The following RABGAP1 variants were observed in gnomAD, a reference collection of about 807,000 sequenced individuals.
The protein encoded by RABGAP1 is RAB GTPase activating protein 1, also known as rab GTPase-activating protein 1.
RABGAP1 carries 23 observed loss-of-function variants against 137.6 expected under a neutral mutation model. The observed-to-expected ratio is 0.17, with a 90% CI of 0.12 to 0.24. The LOEUF (loss-of-function observed/expected upper bound fraction) is 0.24. Ranked by LOEUF, RABGAP1 falls within the 10% of genes least tolerant of loss-of-function variation. The pLI is 1.00. For missense variants in RABGAP1, 906 were observed against 1,275.8 expected (o/e 0.71, Z 4.42); for synonymous variants, 451 against 450.7 (o/e 1.00, Z -0.01).
chr9:123,098,911 T>C (rs2035263296), intron 23 of RABGAP1, 113 bp downstream of exon 23: 1 of 611,954 alleles, frequency 1.6e-6, no homozygotes, highest in Non-Finnish European at 2.9e-6. Flanking sequence ...TGGTTTCAGA[T>C]CCTGGCTCTG....
At chr9:122,946,235 A>G (rs2131586362) in intron 1 of RABGAP1, 1 of 152,298 alleles carries the variant, frequency 6.6e-6, no homozygotes, top group South Asian at 2.1e-4. Flanking sequence ...AGAAAAGACA[A>G]ATTATATTTC....
At chr9:123,007,888 A>G in intron 10 of RABGAP1, among the ~76,000 whole-genome samples, 1 of 148,978 alleles carries the variant, frequency 6.7e-6, no homozygotes, top group Middle Eastern at 3.6e-3. Flanking sequence ...AATATATCTA[A>G]TTTAAAAACC....
At chr9:123,022,922 T>TG (rs1017296062) in intron 13 of RABGAP1, among the ~76,000 whole-genome samples, 6 of 152,164 alleles carry the variant, frequency 3.9e-5, no homozygotes, top group African/African-American at 9.7e-5. Flanking sequence ...GAAATGTTTT[T>TG]GGGGGGAGTA....
At chr9:122,990,789 AAAAAAAAATATATATATATATAT>A (rs1836655312) in intron 6 of RABGAP1, 3 of 56,578 alleles carry the variant, frequency 5.3e-5, no homozygotes, top group Non-Finnish European at 9.8e-5. Context: ...AAAAAAAAAA[AAAAAAAAATATATATATATATAT>A]ATATATATAT....
chr9:123,070,444 TTA>T lies in RABGAP1; in HGVS notation c.1983+22_1983+23del, dbSNP rs773441927. The T allele has an allele frequency of 6.2e-7, 1 of 1,614,016 alleles. No homozygotes were observed. Among genetic ancestry groups the T allele is most frequent in the South Asian group, 1.1e-5 (1 of 91,074 alleles). The stretch of plus-strand genomic sequence containing the variant: ...CTCCATGTGAGTAATTAGGTCTCTG[TTA>T]TGACTTAACACATGGCCTCCCTCAG... On this transcript the variant is annotated intron_variant, in intron 15 of 25. Transcript: ENST00000373647. The surrounding 1 kb of genome is among the most constrained non-coding windows in gnomAD (Gnocchi z 4.4).
At position 123,074,410 on chromosome 9, in the gene RABGAP1, C is replaced by G. The variant is rs570380997; in HGVS notation, c.2235C>G (p.Ile745Met). 3 of 1,613,110 alleles carry G rather than the reference C, an allele frequency of 1.9e-6. No homozygotes were observed. The highest frequency in any genetic ancestry group is 3.3e-5 in the Admixed American group (2 of 59,980). The change falls in exon 17 of 26, where the codon ATC becomes ATG. Residue 745 changes from isoleucine (I) to methionine (M), a missense_variant. Ile to Met is a conservative substitution (Grantham distance 10, BLOSUM62 1). Coordinates refer to ENST00000373647, the MANE Select transcript of RABGAP1 (RefSeq NM_012197.4). ...KFPLYMVFHI[I>M]DLLLCEGISV... Reference sequence around the variant, plus strand: ...CTCTCTACATGGTCTTCCATATCATCGACCTGCTTTTATGTGAGGTATGTA... The same window carrying G: ...CTCTCTACATGGTCTTCCATATCATGGACCTGCTTTTATGTGAGGTATGTA...
intron 2 of RABGAP1, among the ~76,000 whole-genome samples, chr9:122,966,177 C>G (rs905275375): frequency 2.0e-5 from 3 of 152,082 alleles, no homozygotes; most frequent in African/African-American, 7.2e-5. Context: ...GAGACAAATA[C>G]TAAGGAGAGG....
chr9:122,953,836 C>T (rs1834377025), intron 1 of RABGAP1, among the ~76,000 whole-genome samples: 1 of 152,146 alleles, frequency 6.6e-6, no homozygotes, highest in Non-Finnish European at 1.5e-5. Context: ...TCTTTTCCAT[C>T]TTTATTTGCT....
intron 25 of RABGAP1, among the ~76,000 whole-genome samples, chr9:123,102,034 AC>A (rs1371467524): frequency 6.6e-6 from 1 of 152,194 alleles, no homozygotes. Flanking sequence ...CTTTAGAAAC[AC>A]AGCTCTACCA....
intron 1 of RABGAP1, among the ~76,000 whole-genome samples, chr9:122,943,199 T>C (rs10818764): frequency 0.65 from 97,893 of 150,942 alleles, 38,532 homozygotes; most frequent in Non-Finnish European, 0.88. Context: ...CTGACTCAGC[T>C]TGGGATTACA....
chr9:122,933,693 C>T, the RABGAP1 span, among the ~76,000 whole-genome samples: 49 of 152,036 alleles, frequency 3.2e-4, no homozygotes, highest in Non-Finnish European at 6.9e-4. Context: ...GTGGCAATCT[C>T]GGCTCACTGC....
intron 13 of RABGAP1, among the ~76,000 whole-genome samples, chr9:123,046,453 A>C (rs550200843): frequency 2.6e-5 from 4 of 152,322 alleles, no homozygotes; most frequent in South Asian, 2.1e-4. Context: ...TGTAGTGGCC[A>C]AAAGTATGTG....
At chr9:122,997,106 A>AT (rs1003664038) in intron 8 of RABGAP1, 153 bp from the exon 9 acceptor site, 6 of 616,780 alleles carry the variant, frequency 9.7e-6, no homozygotes, top group African/African-American at 5.5e-5. Flanking sequence ...TAATTGTCAC[A>AT]TTTTTTACCA....
chr9:122,973,764 C>T (rs1312143835), intron 2 of RABGAP1, among the ~76,000 whole-genome samples: 2 of 151,818 alleles, frequency 1.3e-5, no homozygotes, highest in African/African-American at 4.8e-5. Flanking sequence ...AATCCCAGCA[C>T]TTTGGGAGGC....
intron 2 of RABGAP1, among the ~76,000 whole-genome samples, chr9:122,960,181 C>T (rs767899249): frequency 1.3e-5 from 2 of 152,190 alleles, no homozygotes; most frequent in Non-Finnish European, 2.9e-5. Flanking sequence ...GGGAAAGACA[C>T]AGCTGGGAGG....
chr9:122,947,646 C>G (rs1185176633), intron 1 of RABGAP1, among the ~76,000 whole-genome samples: 2 of 152,142 alleles, frequency 1.3e-5, no homozygotes, highest in Non-Finnish European at 2.9e-5. Context: ...TAAATTGTCA[C>G]AGTTACGGTA....
intron 13 of RABGAP1, chr9:123,033,780 T>C (rs1358152595): frequency 1.3e-5 from 2 of 152,226 alleles, no homozygotes; most frequent in Non-Finnish European, 2.9e-5. Context: ...TAAATTCTGT[T>C]GAAATGTTTT....
intron 8 of RABGAP1, chr9:122,996,949 A>T (rs902450621): frequency 1.9e-6 from 1 of 530,336 alleles, no homozygotes; most frequent in South Asian, 1.7e-5. Context: ...TATTCCCATT[A>T]TCTGAAAATC....
intron 20 of RABGAP1, 135 bp downstream of exon 20, chr9:123,089,985 C>A: frequency 2.5e-6 from 2 of 814,970 alleles, no homozygotes; most frequent in Non-Finnish European, 3.9e-6. Context: ...TGCAAATTAG[C>A]AAGCAAGATC....
Sources: allele counts gnomAD v4.1 joint callset (sites outside exome capture counted in the v4.1 genomes callset), GRCh38; gene constraint gnomAD v4.1.1; non-coding constraint Gnocchi (gnomAD v3.1); transcripts MANE v1.5; gene names NCBI Gene and HGNC (gene_info 2026-07-23, HGNC 2026-07-21).